Variants in FAM120A observed in about 807,000 individuals in gnomAD.
FAM120A encodes the protein family with sequence similarity 120 member A, also known as constitutive coactivator of PPAR-gamma-like protein 1.
In FAM120A, 15 loss-of-function variants were observed where a neutral mutation model predicts 109.7. The observed-to-expected ratio is 0.14, with a 90% CI of 0.09 to 0.21. The LOEUF (loss-of-function observed/expected upper bound fraction) is 0.21, where lower values mean the gene tolerates loss of function less well. Ranked by LOEUF, FAM120A falls within the 10% of genes least tolerant of loss-of-function variation. The pLI is 1.00. For missense variants in FAM120A, 899 were observed against 1,439.3 expected (o/e 0.62, Z 6.07); for synonymous variants, 493 against 572.8 (o/e 0.86, Z 1.99).
chr9:93,524,227 C>CT (rs1432891325), intron 7 of FAM120A, among the ~76,000 whole-genome samples: 1 of 152,204 alleles, frequency 6.6e-6, no homozygotes, highest in East Asian at 1.9e-4. Context: ...TGCCTTTGCT[C>CT]TTTCCTGTTG....
Position 93,451,840 on chromosome 9 carries a change from C to T in FAM120A, c.-76C>T. 3 of 966,100 alleles carry T rather than the reference C, an allele frequency of 3.1e-6. No homozygotes were observed. In the South Asian group the frequency reaches 1.4e-4, roughly 45 times the overall value. The allele number at this position is 966,100 out of a possible 1,614,324, so 59.8% of individuals were successfully genotyped here. A position where few individuals can be genotyped will look rare whatever the true frequency, so the allele number is the denominator to read the frequency against. On this transcript the variant is annotated 5_prime_UTR_variant, in exon 1 of 18. Coordinates refer to ENST00000277165, the MANE Select transcript of FAM120A (RefSeq NM_014612.5). ...GCCGCCGCCCCCGCCCGCCAGCCCG[C>T]CCGCGCGCCACGGCCCCACCACCCC...
chr9:93,459,846 A>G (rs1857712236), intron 1 of FAM120A, among the ~76,000 whole-genome samples: 1 of 152,236 alleles, frequency 6.6e-6, no homozygotes, highest in Non-Finnish European at 1.5e-5. Context: ...AGCAAAGAAT[A>G]ATGTGGCCTA....
At chr9:93,505,034 T>C (rs1373160065) in intron 5 of FAM120A, among the ~76,000 whole-genome samples, 1 of 151,246 alleles carries the variant, frequency 6.6e-6, no homozygotes, top group African/African-American at 2.4e-5. Flanking sequence ...AAATGCTTGT[T>C]CATGTTGTTC....
At chr9:93,523,222 T>C in intron 7 of FAM120A, 1 of 866,100 alleles carries the variant, frequency 1.2e-6, no homozygotes, top group Non-Finnish European at 1.6e-6. Flanking sequence ...AGGAAGTTTG[T>C]GCCTGATGTG....
chr9:93,564,556 A>C lies in FAM120A; in HGVS notation c.*16A>C. ...AGAAGAGTAAACTTATTTTTTATAG[A>C]GGGTGAAGGATGCTGGAAGGGTAAG... On this transcript the variant is annotated 3_prime_UTR_variant, in exon 18 of 18. Coordinates refer to ENST00000277165, the MANE Select transcript of FAM120A (RefSeq NM_014612.5). 1 of 1,585,486 alleles carries C rather than the reference A, an allele frequency of 6.3e-7. No homozygotes were observed. The highest frequency in any genetic ancestry group is 8.6e-7 in the Non-Finnish European group (1 of 1,160,890).
chr9:93,465,032 A>C (rs201306337), intron 1 of FAM120A, among the ~76,000 whole-genome samples: 2 of 152,116 alleles, frequency 1.3e-5, no homozygotes, highest in African/African-American at 4.8e-5. Flanking sequence ...AGAGTGAGAG[A>C]GTAGCTTAGT....
In FAM120A at chr9:93,452,978, G is replaced by T; in HGVS notation, c.474+589G>T. The T allele has an allele frequency of 7.4e-7, 1 of 1,344,782 alleles. No individual in the cohort carries two copies. The highest frequency in any genetic ancestry group is 9.5e-7 in the Non-Finnish European group (1 of 1,050,128). 83.3% of individuals were successfully genotyped at this position (1,344,782 alleles called of 1,614,324 possible). On this transcript the variant is annotated intron_variant, in intron 1 of 17. Transcript: ENST00000277165. The surrounding 1 kb of genome is among the most constrained non-coding windows in gnomAD (Gnocchi z 7.0). ...CTTCAGAACGCAGTGCCCTGTCCGT[G>T]TTCCTCTTAGTACAGGGTGTTTAGA...
intron 11 of FAM120A, among the ~76,000 whole-genome samples, chr9:93,546,810 A>C (rs1432069264): frequency 6.6e-6 from 1 of 152,104 alleles, no homozygotes; most frequent in Non-Finnish European, 1.5e-5. Flanking sequence ...AGTTTTTTTT[A>C]TTCCTTTATA....
intron 1 of FAM120A, chr9:93,453,014 A>G (rs193083506): frequency 2.6e-5 from 31 of 1,205,306 alleles, no homozygotes; most frequent in Non-Finnish European, 3.2e-5. Context: ...GAATCTTTCT[A>G]TGGCTTTTTG....
At position 93,452,535 on chromosome 9, in the gene FAM120A, C is replaced by T. The variant is rs1399911295; in HGVS notation, c.474+146C>T. 3.2e-6 allele frequency: 5 copies of T among 1,565,502 alleles called. No homozygotes were observed. Among genetic ancestry groups the T allele is most frequent in the African/African-American group, 1.3e-5 (1 of 74,160 alleles). On this transcript the variant is annotated intron_variant, in intron 1 of 17. Transcript: ENST00000277165. This position sits in a 1 kb window ranked among gnomAD's most constrained non-coding sequence, Gnocchi z 7.0. Reference sequence around the variant, plus strand: ...CTTGCCCGGGATAGCCTGGCCGGGCCGGGCTGCAAGATGGATGGCCGCGGG... The same window carrying T: ...CTTGCCCGGGATAGCCTGGCCGGGCTGGGCTGCAAGATGGATGGCCGCGGG...
At chr9:93,552,108 T>G (rs1283146767) in intron 12 of FAM120A, among the ~76,000 whole-genome samples, 4 of 152,190 alleles carry the variant, frequency 2.6e-5, no homozygotes, top group Non-Finnish European at 5.9e-5. Flanking sequence ...CTTATATAGA[T>G]TATTACATCA....
At chr9:93,456,273 A>C (rs904144222) in intron 1 of FAM120A, among the ~76,000 whole-genome samples, 9 of 152,224 alleles carry the variant, frequency 5.9e-5, no homozygotes, top group African/African-American at 2.2e-4. Flanking sequence ...AGTGGCATGA[A>C]GTCACTGGAG....
rs17532098 is a variant in FAM120A at position 93,500,443 on chromosome 9, C to T, written c.1030+1557C>T. ...TTCTGATTTGTGAGATCCAGGCTGTCGTGTTCTCCAAGGTCTGCCTGGCTT... is the reference window on the plus strand; with the variant it reads ...TTCTGATTTGTGAGATCCAGGCTGTTGTGTTCTCCAAGGTCTGCCTGGCTT... On this transcript the variant is annotated intron_variant, in intron 5 of 17. Coordinates refer to ENST00000277165, the MANE Select transcript of FAM120A (RefSeq NM_014612.5). This position sits in a 1 kb window ranked among gnomAD's most constrained non-coding sequence, Gnocchi z 4.6. 0.074 allele frequency among the ~76,000 whole-genome samples: 11,329 copies of T among 152,210 alleles called. 554 individuals are homozygous for T. The highest frequency in any genetic ancestry group is 0.1 in the Non-Finnish European group (7,035 of 67,998).
chr9:93,461,791 A>G (rs1857802618), intron 1 of FAM120A, among the ~76,000 whole-genome samples: 1 of 152,232 alleles, frequency 6.6e-6, no homozygotes, highest in Non-Finnish European at 1.5e-5. Context: ...AGCATGATGC[A>G]CAAAGGAAAT....
At chr9:93,546,353 G>C (rs938251751) in intron 11 of FAM120A, among the ~76,000 whole-genome samples, 2 of 152,212 alleles carry the variant, frequency 1.3e-5, no homozygotes, top group African/African-American at 4.8e-5. Context: ...GACCCTGAGT[G>C]AGGACACACT....
At chr9:93,549,976 T>C (rs1862035812) in intron 11 of FAM120A, among the ~76,000 whole-genome samples, 1 of 152,188 alleles carries the variant, frequency 6.6e-6, no homozygotes, top group East Asian at 1.9e-4. Flanking sequence ...AGTTGAAGAT[T>C]TGGAGATTGA....
intron 10 of FAM120A, among the ~76,000 whole-genome samples, chr9:93,535,634 A>C (rs1484597163): frequency 1.3e-5 from 2 of 152,196 alleles, no homozygotes; most frequent in Non-Finnish European, 2.9e-5. Context: ...CTAGGTCTTT[A>C]TAGGGAGCTG....
At chr9:93,554,306 A>G (rs1171768526) in intron 12 of FAM120A, among the ~76,000 whole-genome samples, 1 of 152,178 alleles carries the variant, frequency 6.6e-6, no homozygotes, top group African/African-American at 2.4e-5. Flanking sequence ...TTTGCCGGGT[A>G]AATGGTTTTG....
At chr9:93,514,385 G>A (rs1564337663) in intron 5 of FAM120A, among the ~76,000 whole-genome samples, 1 of 152,202 alleles carries the variant, frequency 6.6e-6, no homozygotes, top group Non-Finnish European at 1.5e-5. Flanking sequence ...TGAAGAGGTT[G>A]TAGAAGCATA....
Sources: allele counts gnomAD v4.1 joint callset (sites outside exome capture counted in the v4.1 genomes callset), GRCh38; gene constraint gnomAD v4.1.1; non-coding constraint Gnocchi (gnomAD v3.1); transcripts MANE v1.5; gene names NCBI Gene and HGNC (gene_info 2026-07-23, HGNC 2026-07-21).